Variants in RTL9 observed in about 807,000 individuals in gnomAD.
The protein encoded by RTL9 is retrotransposon Gag-like protein 9.
RTL9 carries 19 observed loss-of-function variants against 44.7 expected under a neutral mutation model. The observed-to-expected ratio is 0.42, with a 90% CI of 0.30 to 0.62. RTL9 has a LOEUF of 0.62. Ranked by LOEUF, RTL9 falls within the 20% of genes least tolerant of loss-of-function variation. RTL9 has a pLI of 0.16. For missense variants in RTL9, 1,105 were observed against 1,080.6 expected (o/e 1.02, Z -0.32); for synonymous variants, 407 against 398.9 (o/e 1.02, Z -0.24).
intron 1 of RTL9, among the ~76,000 whole-genome samples, chrX:110,385,392 A>G (rs1278336120): frequency 1.8e-5 from 2 of 111,598 alleles, no homozygotes; most frequent in African/African-American, 3.3e-5. Context: ...TTTAAAGTGT[A>G]CAGTTCAGTC....
chrX:110,367,986 A>ATTG (rs1369880824), intron 1 of RTL9, among the ~76,000 whole-genome samples: 6 of 100,047 alleles, frequency 6.0e-5, no homozygotes, highest in Non-Finnish European at 1.2e-4. Flanking sequence ...TATTATTATT[A>ATTG]TTATTATTAT....
At chrX:110,432,474 G>T (rs1454973043) in intron 1 of RTL9, among the ~76,000 whole-genome samples, 1 of 112,279 alleles carries the variant, frequency 8.9e-6, no homozygotes, top group African/African-American at 3.2e-5. Context: ...GCGCTGTCTG[G>T]CTGTAATTAG....
chrX:110,384,885 C>T (rs1043317153), intron 1 of RTL9, among the ~76,000 whole-genome samples: 1 of 110,971 alleles, frequency 9.0e-6, no homozygotes, highest in East Asian at 2.8e-4. Context: ...TGAATTCACT[C>T]CTCTTTCTTA....
chrX:110,416,499 C>T (rs184944576), upstream of RTL9, among the ~76,000 whole-genome samples: 194 of 110,644 alleles, frequency 1.8e-3, 1 homozygote, highest in African/African-American at 6.0e-3. Flanking sequence ...ATCACTTGCC[C>T]GGGGTCACTC....
chrX:110,363,050 A>G (rs2068274810), intron 1 of RTL9, among the ~76,000 whole-genome samples: 2 of 111,944 alleles, frequency 1.8e-5, no homozygotes, highest in Admixed American at 9.5e-5. Context: ...AGATTTATCT[A>G]TTGTTTTTTG....
At chrX:110,382,392 G>A (rs1175020176) in intron 1 of RTL9, among the ~76,000 whole-genome samples, 1 of 111,222 alleles carries the variant, frequency 9.0e-6, no homozygotes, top group East Asian at 2.8e-4. Context: ...CCAGGATCTG[G>A]GAGACATGGA....
At chrX:110,363,195 T>C (rs1469730824) in intron 1 of RTL9, among the ~76,000 whole-genome samples, 1 of 111,988 alleles carries the variant, frequency 8.9e-6, no homozygotes, top group Non-Finnish European at 1.9e-5. Context: ...GAGTGTCAGA[T>C]GCAGAAGCTA....
chrX:110,450,579 C>T (rs757621291), exon 1 of RTL9: 31 of 1,139,121 alleles, frequency 2.7e-5, no homozygotes, highest in African/African-American at 1.8e-4. Context: ...TTTCTTGCCT[C>T]CTGGGCTCCC....
At chrX:110,455,991 T>C (rs1369329585) in exon 2 of RTL9, 1 of 112,903 alleles carries the variant, frequency 8.9e-6, no homozygotes, top group Non-Finnish European at 1.9e-5. Context: ...CTTGTTCTTG[T>C]GTTGTCAGCT....
chrX:110,402,432 G>A (rs1278404875), intron 1 of RTL9, among the ~76,000 whole-genome samples: 2 of 112,978 alleles, frequency 1.8e-5, no homozygotes, highest in Non-Finnish European at 3.7e-5. Context: ...AGCCTTTCCT[G>A]TCAGGGAGAG....
rs2068289049 is a variant in RTL9 at position 110,365,157 on chromosome X, G to T, written c.-168+6241G>T. Among the ~76,000 whole-genome samples the T allele has an allele frequency of 3.6e-5, 4 of 111,941 alleles. No homozygotes were observed. The East Asian group carries it at 8.4e-4, about 23-fold the overall frequency. ...GTGGTCAGTTTGTGGGCCGCCTATT[G>T]TGGTGGTCCACTGAGTGACACCTGG... On this transcript the variant is annotated intron_variant, in intron 1 of 2. Coordinates refer to the RTL9 transcript ENST00000520821.
chrX:110,399,042 C>G (rs1018068539), intron 1 of RTL9, among the ~76,000 whole-genome samples: 8 of 112,166 alleles, frequency 7.1e-5, no homozygotes, highest in Admixed American at 1.9e-4. Context: ...CAGTGAATGT[C>G]TCTGCCTCAT....
At chrX:110,366,867 T>A (rs2148256130) in intron 1 of RTL9, among the ~76,000 whole-genome samples, 1 of 112,315 alleles carries the variant, frequency 8.9e-6, no homozygotes, top group East Asian at 2.8e-4. Context: ...ATTCATTTCA[T>A]CCATTCATTC....
chrX:110,455,543 G>A, exon 2 of RTL9: 1 of 361,730 alleles, frequency 2.8e-6, no homozygotes, highest in Non-Finnish European at 4.8e-6. Context: ...GACTACAAGA[G>A]TGTATGGTGT....
chrX:110,377,363 C>A (rs1411962564), intron 1 of RTL9, among the ~76,000 whole-genome samples: 1 of 111,662 alleles, frequency 9.0e-6, no homozygotes, highest in Non-Finnish European at 1.9e-5. Flanking sequence ...AGCGAAACAC[C>A]GATACCTACA....
chrX:110,374,040 C>T (rs189093832), intron 1 of RTL9, among the ~76,000 whole-genome samples: 44 of 111,649 alleles, frequency 3.9e-4, no homozygotes, highest in African/African-American at 1.4e-3. Context: ...TAACAAGAAA[C>T]TTCACATTCA....
intron 1 of RTL9, among the ~76,000 whole-genome samples, chrX:110,405,079 C>T (rs1346454735): frequency 3.4e-5 from 3 of 86,972 alleles, no homozygotes; most frequent in African/African-American, 6.1e-5. Flanking sequence ...TTCAGGTGTG[C>T]TTGTTGTGTC....
intron 1 of RTL9, among the ~76,000 whole-genome samples, chrX:110,374,193 C>T (rs1226665063): frequency 9.0e-6 from 1 of 111,496 alleles, no homozygotes; most frequent in African/African-American, 3.3e-5. Flanking sequence ...AAATTGATAC[C>T]CTGTAGATGC....
chrX:110,388,492 C>T (rs754540811), intron 1 of RTL9, among the ~76,000 whole-genome samples: 10 of 111,570 alleles, frequency 9.0e-5, no homozygotes, highest in Admixed American at 4.7e-4. Context: ...AGGCACATGG[C>T]GCTAGGATGT....
Sources: allele counts gnomAD v4.1 joint callset (sites outside exome capture counted in the v4.1 genomes callset), GRCh38; gene constraint gnomAD v4.1.1; transcripts MANE v1.5; gene names NCBI Gene and HGNC (gene_info 2026-07-23, HGNC 2026-07-21).